APBB1IP: variants seen among roughly 807,000 people sequenced by gnomAD.
APBB1IP encodes amyloid beta precursor protein binding family B member 1 interacting protein.
APBB1IP carries 27 observed loss-of-function variants against 64.9 expected under a neutral mutation model. The ratio of observed to expected loss-of-function variants is 0.42; its 90% CI spans 0.31 to 0.57. The LOEUF (loss-of-function observed/expected upper bound fraction) is 0.57. Among genes scored for constraint, APBB1IP ranks in the 20% least tolerant of loss-of-function variants. The pLI is 0.20. For missense variants in APBB1IP, 812 were observed against 845.5 expected, an observed-to-expected ratio of 0.96 and a Z score of 0.49; for synonymous variants, 392 against 331.0, an observed-to-expected ratio of 1.18 and a Z score of -2.00.
chr10:26,449,766 T>C (rs1265816281), intron 2 of APBB1IP, among the ~76,000 whole-genome samples: 2 of 152,126 alleles, frequency 1.3e-5, no homozygotes, highest in Non-Finnish European at 2.9e-5. Context: ...ACGCAACTCT[T>C]TGGGAGGCTG....
intron 6 of APBB1IP, among the ~76,000 whole-genome samples, chr10:26,510,377 T>C (rs564254741): frequency 6.6e-6 from 1 of 152,348 alleles, no homozygotes; most frequent in South Asian, 2.1e-4. Context: ...AGATTTGGAA[T>C]GAGATTACTA....
chr10:26,564,378 T>C (rs1837012764), intron 14 of APBB1IP, among the ~76,000 whole-genome samples: 1 of 152,242 alleles, frequency 6.6e-6, no homozygotes. Flanking sequence ...TAGCACATGC[T>C]GGTGATTTTA....
chr10:26,545,206 C>A (rs1836744517), intron 11 of APBB1IP, among the ~76,000 whole-genome samples: 1 of 152,168 alleles, frequency 6.6e-6, no homozygotes, highest in South Asian at 2.1e-4. Context: ...CACTTATTTC[C>A]CTTTTTGTCT....
At chr10:26,473,224 T>C (rs1013440006) in intron 2 of APBB1IP, among the ~76,000 whole-genome samples, 1 of 152,228 alleles carries the variant, frequency 6.6e-6, no homozygotes, top group Non-Finnish European at 1.5e-5. Context: ...TATTGAGTTA[T>C]ATATTGCTGG....
At chr10:26,475,312 G>A (rs1288009109) in intron 2 of APBB1IP, among the ~76,000 whole-genome samples, 3 of 151,940 alleles carry the variant, frequency 2.0e-5, no homozygotes, top group African/African-American at 7.2e-5. Context: ...TAGTAGAGAC[G>A]GGGTTTTGCC....
At chr10:26,510,138 T>C (rs555922076) in intron 6 of APBB1IP, among the ~76,000 whole-genome samples, 15 of 152,218 alleles carry the variant, frequency 9.9e-5, no homozygotes, top group African/African-American at 3.1e-4. Flanking sequence ...CCTGGCTAAC[T>C]TCTGTATTTT....
intron 8 of APBB1IP, among the ~76,000 whole-genome samples, chr10:26,528,474 A>G (rs1300266252): frequency 6.6e-6 from 1 of 152,188 alleles, no homozygotes; most frequent in Non-Finnish European, 1.5e-5. Flanking sequence ...TTTCTTGACC[A>G]TCGCAGTCCA....
At chr10:26,496,889 A>G (rs1836031975) in intron 4 of APBB1IP, among the ~76,000 whole-genome samples, 2 of 151,728 alleles carry the variant, frequency 1.3e-5, no homozygotes, top group South Asian at 4.2e-4. Context: ...ACTTTATTTT[A>G]TTACCAAAAA....
rs1032938844 is a variant in APBB1IP, at chr10:26,516,279, G to A, written c.813+2619G>A. Among the ~76,000 whole-genome samples the A allele has an allele frequency of 2.0e-5, 3 of 152,028 alleles. No individual in the cohort carries two copies. In the South Asian group the frequency reaches 6.2e-4, roughly 32 times the overall value. On this transcript the variant is annotated intron_variant, in intron 8 of 14. Transcript: ENST00000376236. ...CTTCAATATTTAAAGGGGATGCCAGGCACGGTGGCTCCCGCCTGTAATCCA... is the reference window on the plus strand; with the variant it reads ...CTTCAATATTTAAAGGGGATGCCAGACACGGTGGCTCCCGCCTGTAATCCA...
At chr10:26,501,950 A>T (rs1283216804) in intron 5 of APBB1IP, 3 of 152,210 alleles carry the variant, frequency 2.0e-5, no homozygotes, top group Non-Finnish European at 4.4e-5. Flanking sequence ...ACAGTGCTCT[A>T]TTGTGTACTT....
rs1298315964 is a variant in APBB1IP at position 26,567,201 on chromosome 10, C to A, written c.1714C>A (p.Pro572Thr). ...CGATGACCCTGAGCTCCCGCCGCCGCCCCCGGACTTCATGGAGCCGCCCCC... is the reference window on the plus strand; with the variant it reads ...CGATGACCCTGAGCTCCCGCCGCCGACCCCGGACTTCATGGAGCCGCCCCC... The part of the protein sequence containing the change: ...PLDDPELPPP[P>T]PDFMEPPPDF... The change falls in exon 15 of 15, where the codon CCC (proline) becomes ACC (threonine). Residue 572 changes from proline to threonine, a missense_variant. Pro to Thr is a conservative substitution (Grantham distance 38). Transcript: ENST00000376236. The A allele has an allele frequency of 2.2e-6, 3 of 1,389,188 alleles. No individual in the cohort carries two copies. The highest frequency in any genetic ancestry group is 3.1e-5 in the Admixed American group (1 of 31,844). 86.1% of individuals were successfully genotyped at this position (1,389,188 alleles called of 1,614,324 possible).
At chr10:26,558,179 GTTAA>G (rs766360293) in intron 11 of APBB1IP, among the ~76,000 whole-genome samples, 13 of 145,664 alleles carry the variant, frequency 8.9e-5, no homozygotes, top group East Asian at 6.2e-4. Flanking sequence ...GATGCTTGTG[GTTAA>G]TTATTTTTCT....
At chr10:26,527,796 G>A (rs1836496807) in intron 8 of APBB1IP, among the ~76,000 whole-genome samples, 2 of 148,598 alleles carry the variant, frequency 1.3e-5, no homozygotes, top group Admixed American at 6.8e-5. Context: ...GGGTTCAAGC[G>A]ATTCTGCTGC....
At chr10:26,539,840 C>T (rs914865008) in intron 10 of APBB1IP, among the ~76,000 whole-genome samples, 1 of 152,090 alleles carries the variant, frequency 6.6e-6, no homozygotes, top group African/African-American at 2.4e-5. Context: ...CGGTAACCAC[C>T]GCATAACTAA....
chr10:26,489,943 T>C (rs1013178785), intron 2 of APBB1IP, among the ~76,000 whole-genome samples: 2 of 152,140 alleles, frequency 1.3e-5, no homozygotes, highest in Non-Finnish European at 2.9e-5. Flanking sequence ...GAGAATTGCT[T>C]GAACCCAGGA....
chr10:26,554,115 T>A (rs537896207), intron 11 of APBB1IP, among the ~76,000 whole-genome samples: 1 of 152,272 alleles, frequency 6.6e-6, no homozygotes, highest in East Asian at 1.9e-4. Context: ...GTCCAAGGGG[T>A]ACCTCTATCA....
intron 11 of APBB1IP, among the ~76,000 whole-genome samples, chr10:26,559,106 A>G (rs932935243): frequency 2.6e-5 from 4 of 152,214 alleles, no homozygotes; most frequent in Non-Finnish European, 4.4e-5. Context: ...CACAATTCTC[A>G]TAGGCATTAA....
intron 2 of APBB1IP, among the ~76,000 whole-genome samples, chr10:26,480,253 C>T (rs1481150099): frequency 6.6e-6 from 1 of 152,092 alleles, no homozygotes; most frequent in Non-Finnish European, 1.5e-5. Flanking sequence ...GTCGCCTGAC[C>T]CCACTCCAAG....
intron 11 of APBB1IP, among the ~76,000 whole-genome samples, chr10:26,554,858 C>T (rs567888115): frequency 6.6e-6 from 1 of 152,240 alleles, no homozygotes; most frequent in East Asian, 1.9e-4. Flanking sequence ...GCTATGATTA[C>T]AGGTGTGAGC....
Sources: allele counts gnomAD v4.1 joint callset (sites outside exome capture counted in the v4.1 genomes callset), GRCh38; gene constraint gnomAD v4.1.1; transcripts MANE v1.5; gene names NCBI Gene and HGNC (gene_info 2026-07-23, HGNC 2026-07-21).